Variants in MALAT1 observed in about 807,000 individuals in gnomAD.
The protein encoded by MALAT1 is hepcarcin.
At chr11:65,505,431 T>C in intron 3 of MALAT1, 1 of 513,088 alleles carries the variant, frequency 1.9e-6, no homozygotes, top group East Asian at 5.5e-5. Context: ...CAGCTCTTAA[T>C]AATAAAGCCC....
exon 3 of MALAT1, chr11:65,501,742 C>A: frequency 1.9e-6 from 1 of 518,936 alleles, no homozygotes. Context: ...AGCTTTGGTT[C>A]ATATTCAGTC....
exon 3 of MALAT1, chr11:65,499,619 T>TGGTA (rs1293814997): frequency 2.2e-6 from 1 of 445,924 alleles, no homozygotes. Flanking sequence ...TAATTGGGAG[T>TGGTA]GGTAGGATGA....
At chr11:65,503,415 T>G (rs1444663139) in exon 3 of MALAT1, 8 of 515,672 alleles carry the variant, frequency 1.6e-5, no homozygotes, top group Non-Finnish European at 2.7e-5. Context: ...ATTTGCATCT[T>G]TAAATAATTT....
exon 3 of MALAT1, chr11:65,500,000 T>G: frequency 2.3e-6 from 1 of 426,344 alleles, no homozygotes; most frequent in South Asian, 1.7e-5. Context: ...ATGAGGAAAT[T>G]ATTGGTAACC....
chr11:65,505,338 C>A (rs751685136), intron 3 of MALAT1: 2 of 518,850 alleles, frequency 3.9e-6, no homozygotes, highest in Non-Finnish European at 7.7e-6. Context: ...GCCTCAACTC[C>A]CTCTTTCTGG....
At chr11:65,502,119 C>T (rs1165664676) in exon 3 of MALAT1, 2 of 515,642 alleles carry the variant, frequency 3.9e-6, no homozygotes, top group African/African-American at 1.9e-5. Context: ...AGGAAAGTGT[C>T]ATAATTTGAT....
At chr11:65,501,289 A>G (rs779812560) in exon 3 of MALAT1, 1 of 518,474 alleles carries the variant, frequency 1.9e-6, no homozygotes, top group Middle Eastern at 3.2e-4. Context: ...TCTGTCTAGA[A>G]TCCTAAAGGC....
exon 1 of MALAT1, chr11:65,497,744 C>T (rs766267827): frequency 2.8e-5 from 12 of 421,830 alleles, no homozygotes; most frequent in East Asian, 6.0e-5. Flanking sequence ...CCTCCGCAGC[C>T]TGCAGCCCGA....
chr11:65,506,057 A>G (rs374672790), intron 3 of MALAT1: 85 of 440,410 alleles, frequency 1.9e-4, no homozygotes, highest in Non-Finnish European at 2.9e-4. Context: ...AACAACACGT[A>G]TTGTTTTCTC....
At chr11:65,506,098 A>T (rs747695318) in intron 3 of MALAT1, 1 of 117,668 alleles carries the variant, frequency 8.5e-6, no homozygotes. Context: ...TTTCTAGCTT[A>T]AAAAAAAAAA....
intron 1 of MALAT1, chr11:65,497,913 T>G (rs1565670765): frequency 3.9e-6 from 2 of 518,774 alleles, no homozygotes; most frequent in Non-Finnish European, 7.7e-6. Context: ...CCAGAGTCCT[T>G]GGGACGCAGC....
chr11:65,504,395 T>C (rs1379191781), intron 3 of MALAT1: 1 of 518,882 alleles, frequency 1.9e-6, no homozygotes, highest in African/African-American at 1.9e-5. Flanking sequence ...TGCAGTACTG[T>C]TCTGATCCCG....
exon 3 of MALAT1, chr11:65,500,699 T>C (rs775657733): frequency 1.9e-6 from 1 of 518,870 alleles, no homozygotes; most frequent in Non-Finnish European, 3.8e-6. Context: ...CGAGCAGGCG[T>C]TGTGCGTAGA....
chr11:65,505,609 C>T (rs375239478), intron 3 of MALAT1: 11 of 518,942 alleles, frequency 2.1e-5, no homozygotes, highest in Admixed American at 7.8e-5. Flanking sequence ...CCCCTCACCT[C>T]GATGCAGCCA....
At chr11:65,501,154 TCCTC>T in exon 3 of MALAT1, 1 of 516,910 alleles carries the variant, frequency 1.9e-6, no homozygotes, top group Non-Finnish European at 3.9e-6. Flanking sequence ...TGTTTTTACT[TCCTC>T]ACCCTGAATT....
exon 3 of MALAT1, chr11:65,503,171 ACAG>A (rs761229689): frequency 3.9e-5 from 20 of 511,548 alleles, no homozygotes; most frequent in African/African-American, 5.8e-5. Flanking sequence ...GGAGCAGAAA[ACAG>A]CAGGCAGCTG....
chr11:65,503,667 A>G (rs1278143663), exon 3 of MALAT1: 1 of 514,236 alleles, frequency 1.9e-6, no homozygotes, highest in Non-Finnish European at 3.9e-6. Flanking sequence ...TAAATAAAAT[A>G]GTGTTTGTCT....
chr11:65,499,360 GAA>G (rs774102594), exon 3 of MALAT1: 3 of 493,728 alleles, frequency 6.1e-6, no homozygotes, highest in Non-Finnish European at 1.2e-5. Context: ...AAAATTGAGA[GAA>G]AGGACTACAG....
At chr11:65,498,151 A>G in intron 1 of MALAT1, 2 of 518,876 alleles carry the variant, frequency 3.9e-6, no homozygotes, top group South Asian at 1.4e-5. Flanking sequence ...CAGTGTAAAC[A>G]CTTCTGGGTG....
Sources: gnomAD v4.1 joint callset for allele counts on GRCh38, gnomAD v4.1.1 for gene constraint, MANE v1.5 for transcripts, NCBI Gene and HGNC (gene_info 2026-07-23, HGNC 2026-07-21) for gene names.